The following CNTNAP2 variants were observed in gnomAD, a reference collection of about 807,000 sequenced individuals.
CNTNAP2 encodes the protein contactin associated protein 2, also known as contactin-associated protein-like 2.
Under a neutral mutation model 155.2 loss-of-function variants are expected in CNTNAP2, and 98 were observed. That is an observed-to-expected ratio of 0.63 (90% CI 0.54 to 0.75). CNTNAP2 has a LOEUF of 0.75. CNTNAP2 is among the 30% of genes least tolerant of loss of function. CNTNAP2 has a pLI of 0.00. For missense variants in CNTNAP2, 1,727 were observed against 1,688.1 expected, an observed-to-expected ratio of 1.02 and a Z score of -0.40; for synonymous variants, 651 against 631.2, an observed-to-expected ratio of 1.03 and a Z score of -0.47.
At chr7:147,425,795 G>T (rs1797368719) in intron 10 of CNTNAP2, among the ~76,000 whole-genome samples, 1 of 152,038 alleles carries the variant, frequency 6.6e-6, no homozygotes, top group South Asian at 2.1e-4. Context: ...TTTTCCTATT[G>T]ATTTGATCAT....
intron 17 of CNTNAP2, among the ~76,000 whole-genome samples, chr7:148,148,439 G>A (rs1220618744): frequency 6.6e-6 from 1 of 152,202 alleles, no homozygotes; most frequent in Non-Finnish European, 1.5e-5. Flanking sequence ...TAGGAAATTA[G>A]CAACTTTTCC....
intron 15 of CNTNAP2, among the ~76,000 whole-genome samples, chr7:147,999,230 G>A (rs984980548): frequency 3.9e-5 from 6 of 151,926 alleles, no homozygotes; most frequent in South Asian, 2.1e-4. Context: ...TTACAGGCAC[G>A]CACCACCACA....
intron 3 of CNTNAP2, among the ~76,000 whole-genome samples, chr7:146,918,444 A>G (rs368497289): frequency 2.0e-5 from 3 of 152,108 alleles, no homozygotes; most frequent in Non-Finnish European, 4.4e-5. Flanking sequence ...TATGAAGCTT[A>G]GTTTCACTAG....
chr7:148,124,631 G>C (rs1804674881), intron 16 of CNTNAP2, among the ~76,000 whole-genome samples: 1 of 152,176 alleles, frequency 6.6e-6, no homozygotes, highest in Non-Finnish European at 1.5e-5. Flanking sequence ...TAATTTCATT[G>C]AGAGCTTTGC....
chr7:147,010,320 T>C (rs1798601566), intron 3 of CNTNAP2, among the ~76,000 whole-genome samples: 2 of 152,076 alleles, frequency 1.3e-5, no homozygotes, highest in African/African-American at 4.8e-5. Flanking sequence ...TAGATCTTGG[T>C]TCTTTAGTAT....
intron 8 of CNTNAP2, among the ~76,000 whole-genome samples, chr7:147,292,558 C>T (rs1011149282): frequency 3.3e-5 from 5 of 152,016 alleles, no homozygotes; most frequent in Non-Finnish European, 7.4e-5. Context: ...TATGTATCTC[C>T]ATTTGTTTAG....
intron 12 of CNTNAP2, among the ~76,000 whole-genome samples, chr7:147,584,311 C>T: frequency 6.6e-6 from 1 of 152,142 alleles, no homozygotes; most frequent in East Asian, 1.9e-4. Context: ...ACAATGCATA[C>T]TTTCAAGTAA....
chr7:146,236,084 T>C (rs1799469323), intron 1 of CNTNAP2, among the ~76,000 whole-genome samples: 1 of 152,054 alleles, frequency 6.6e-6, no homozygotes, highest in Non-Finnish European at 1.5e-5. Flanking sequence ...TGTGACAAAA[T>C]TAATACTGCC....
chr7:147,774,978 C>T (rs150157839), intron 13 of CNTNAP2, among the ~76,000 whole-genome samples: 1 of 151,670 alleles, frequency 6.6e-6, no homozygotes, highest in Non-Finnish European at 1.5e-5. Flanking sequence ...GCTTTCTCTA[C>T]TTACTATGCT....
intron 1 of CNTNAP2, among the ~76,000 whole-genome samples, chr7:146,472,136 A>T (rs1177684460): frequency 6.6e-6 from 1 of 152,222 alleles, no homozygotes; most frequent in Non-Finnish European, 1.5e-5. Flanking sequence ...ACTGTTCTGT[A>T]TGGTGTTTCA....
chr7:146,534,391 C>T (rs1176939500), intron 1 of CNTNAP2, among the ~76,000 whole-genome samples: 1 of 152,040 alleles, frequency 6.6e-6, no homozygotes, highest in Non-Finnish European at 1.5e-5. Context: ...GTTTGGCTGA[C>T]GTAGGAATAA....
rs539550948 is a variant in CNTNAP2 at position 147,551,876 on chromosome 7, A to T, written c.1778-10262A>T. On this transcript the variant is annotated intron_variant, in intron 11 of 23. Transcript: ENST00000361727. ...ATAATGTCTTCATTACTACATCAATACTTAAATAATGGACAAGAAATTATA... is the reference window on the plus strand; with the variant it reads ...ATAATGTCTTCATTACTACATCAATTCTTAAATAATGGACAAGAAATTATA... Among the ~76,000 whole-genome samples the T allele has an allele frequency of 2.1e-3, 325 of 152,322 alleles. 1 individual carries two copies. Among genetic ancestry groups the T allele is most frequent in the African/African-American group, 7.3e-3 (305 of 41,566 alleles).
intron 1 of CNTNAP2, among the ~76,000 whole-genome samples, chr7:146,695,599 A>AT (rs999665702): frequency 1.8e-4 from 27 of 151,288 alleles, no homozygotes; most frequent in Admixed American, 5.9e-4. Context: ...TGTTTTTCAT[A>AT]TTTTTTTTGT....
chr7:147,502,655 C>CA (rs1046070983), intron 11 of CNTNAP2, among the ~76,000 whole-genome samples: 1 of 151,262 alleles, frequency 6.6e-6, no homozygotes, highest in Non-Finnish European at 1.5e-5. Flanking sequence ...TGTTCTCACA[C>CA]AAAAAAGAAT....
chr7:147,849,279 G>T (rs1177007), intron 13 of CNTNAP2, among the ~76,000 whole-genome samples: 1 of 152,064 alleles, frequency 6.6e-6, no homozygotes, highest in East Asian at 1.9e-4. Flanking sequence ...CAATAAACAC[G>T]ATTATGAATG....
intron 18 of CNTNAP2, among the ~76,000 whole-genome samples, chr7:148,196,277 T>C (rs1046254206): frequency 6.6e-6 from 1 of 152,208 alleles, no homozygotes; most frequent in Non-Finnish European, 1.5e-5. Flanking sequence ...GCCATGAAAA[T>C]GCAGTTTGAA....
At chr7:146,208,912 G>C (rs1584803149) in intron 1 of CNTNAP2, 1 of 152,090 alleles carries the variant, frequency 6.6e-6, no homozygotes, top group East Asian at 1.9e-4. Flanking sequence ...TAACTGCTAA[G>C]ATTTTTGGTG....
At chr7:146,825,673 A>G (rs1357830273) in intron 2 of CNTNAP2, among the ~76,000 whole-genome samples, 3 of 152,188 alleles carry the variant, frequency 2.0e-5, no homozygotes, top group Non-Finnish European at 4.4e-5. Flanking sequence ...GGAGATACAA[A>G]GCAATTTTCC....
intron 15 of CNTNAP2, among the ~76,000 whole-genome samples, chr7:148,065,182 A>G (rs917437230): frequency 6.6e-6 from 1 of 152,096 alleles, no homozygotes; most frequent in Admixed American, 6.6e-5. Flanking sequence ...ATTTTCTTAA[A>G]CTTACTGAGA....
Sources: allele counts gnomAD v4.1 joint callset (sites outside exome capture counted in the v4.1 genomes callset), GRCh38; gene constraint gnomAD v4.1.1; transcripts MANE v1.5; gene names NCBI Gene and HGNC (gene_info 2026-07-23, HGNC 2026-07-21).